CSMD1: variants seen among roughly 807,000 people sequenced by gnomAD.
CSMD1 encodes CUB and Sushi multiple domains 1.
CSMD1 carries 213 observed loss-of-function variants against 417.5 expected under a neutral mutation model. The observed-to-expected ratio is 0.51, with a 90% CI of 0.46 to 0.57. CSMD1 has a LOEUF of 0.57. Among genes scored for constraint, CSMD1 ranks in the 20% least tolerant of loss-of-function variants. The pLI, the probability that CSMD1 is intolerant of heterozygous loss-of-function variation, is 0.00. For synonymous variants in CSMD1, 2,862 were observed against 1,736.8 expected, an observed-to-expected ratio of 1.65 and a Z score of -16.11; for missense variants, 6,923 against 4,529.7, an observed-to-expected ratio of 1.53 and a Z score of -15.17.
intron 21 of CSMD1, among the ~76,000 whole-genome samples, chr8:3,348,633 C>G (rs544856055): frequency 1.3e-5 from 2 of 152,286 alleles, no homozygotes; most frequent in East Asian, 3.9e-4. Context: ...GGGAATCTAA[C>G]GACAGACCAA....
chr8:3,701,480 A>G (rs566043200), intron 7 of CSMD1, among the ~76,000 whole-genome samples: 4 of 150,576 alleles, frequency 2.7e-5, no homozygotes, highest in African/African-American at 9.8e-5. Flanking sequence ...CATGAGGGCA[A>G]AAGACTCTTC....
intron 1 of CSMD1, among the ~76,000 whole-genome samples, chr8:4,941,944 T>G (rs1808031721): frequency 6.6e-6 from 1 of 152,182 alleles, no homozygotes; most frequent in East Asian, 1.9e-4. Flanking sequence ...ACAACAGTTT[T>G]TATCTGCTTC....
chr8:4,093,956 T>C (rs1472559468), intron 3 of CSMD1, among the ~76,000 whole-genome samples: 1 of 140,482 alleles, frequency 7.1e-6, no homozygotes, highest in African/African-American at 2.7e-5. Flanking sequence ...TGACTGAGAC[T>C]ACATCTCAAA....
In CSMD1 at chr8:4,396,901, G is replaced by T. The variant is rs986826132; in HGVS notation, c.415+23052C>A. On this transcript the variant is annotated intron_variant, in intron 3 of 69. Transcript: ENST00000635120. ...GGGGGAAAGGGTGGGAGGCAGATGG[G>T]AAACAAAAGACTACACCTTGGGTAC... Among the ~76,000 whole-genome samples, 3 of 152,132 alleles carry T rather than the reference G, an allele frequency of 2.0e-5. No homozygotes were observed. In the East Asian group the frequency reaches 5.8e-4, roughly 29 times the overall value.
chr8:4,946,566 T>C (rs1335571428), intron 1 of CSMD1, among the ~76,000 whole-genome samples: 1 of 152,184 alleles, frequency 6.6e-6, no homozygotes, highest in Non-Finnish European at 1.5e-5. Flanking sequence ...ATTCTGACTC[T>C]GTATAAGTGA....
At chr8:4,489,911 C>T (rs975639853) in intron 2 of CSMD1, among the ~76,000 whole-genome samples, 2 of 152,126 alleles carry the variant, frequency 1.3e-5, no homozygotes, top group Admixed American at 1.3e-4. Context: ...TGAGATCATT[C>T]ATTCATGCTG....
intron 7 of CSMD1, among the ~76,000 whole-genome samples, chr8:3,643,000 T>C (rs561476179): frequency 2.7e-5 from 4 of 150,208 alleles, no homozygotes; most frequent in Non-Finnish European, 5.9e-5. Flanking sequence ...TTAAAAAAAA[T>C]AGATGTAAGA....
At chr8:3,558,984 G>C (rs1169536284) in intron 10 of CSMD1, among the ~76,000 whole-genome samples, 3 of 152,180 alleles carry the variant, frequency 2.0e-5, no homozygotes, top group Non-Finnish European at 4.4e-5. Flanking sequence ...AAAGATAAAT[G>C]ACTAGAAGTG....
At chr8:4,811,575 G>T (rs765045769) in intron 1 of CSMD1, among the ~76,000 whole-genome samples, 4 of 151,982 alleles carry the variant, frequency 2.6e-5, no homozygotes, top group African/African-American at 7.2e-5. Flanking sequence ...CACATGTGAG[G>T]CTCATCCTTT....
Position 4,922,608 on chromosome 8 carries a change from G to C in CSMD1, c.85+71724C>G, listed in dbSNP as rs185720847. ...GCTATTGATAGCGCTCATGAGAGAAGGTATGCAGATAACAAGAAACAACAC... is the reference window on the plus strand; with the variant it reads ...GCTATTGATAGCGCTCATGAGAGAACGTATGCAGATAACAAGAAACAACAC... On this transcript the variant is annotated intron_variant, in intron 1 of 69. Transcript: ENST00000635120. Among the ~76,000 whole-genome samples the C allele has an allele frequency of 1.2e-3, 185 of 152,260 alleles. No individual in the cohort carries two copies. The Middle Eastern group carries it at 0.027, about 22-fold the overall frequency.
chr8:3,082,785 A>G (rs1814201736), intron 49 of CSMD1, among the ~76,000 whole-genome samples: 1 of 152,230 alleles, frequency 6.6e-6, no homozygotes, highest in Non-Finnish European at 1.5e-5. Flanking sequence ...CCCTCTCCAT[A>G]AACATAGCCC....
Position 3,834,418 on chromosome 8 carries a change from C to G in CSMD1, c.819-80376G>C, listed in dbSNP as rs368993212. 2.6e-5 allele frequency among the ~76,000 whole-genome samples: 4 copies of G among 152,068 alleles called. No individual in the cohort carries two copies. In the South Asian group the frequency reaches 6.2e-4, roughly 24 times the overall value. On this transcript the variant is annotated intron_variant, in intron 5 of 69. Coordinates refer to ENST00000635120, the MANE Select transcript of CSMD1 (RefSeq NM_033225.6). ...CTGCACAGTAAAACCCCAAATACCC[C>G]CTGGAAGTGGGGCAGACTCACTGGG...
chr8:4,811,466 T>C (rs775109082), intron 1 of CSMD1, among the ~76,000 whole-genome samples: 9 of 152,156 alleles, frequency 5.9e-5, no homozygotes, highest in Non-Finnish European at 1.2e-4. Context: ...AGAATACAAC[T>C]TCAAAAAATA....
chr8:4,925,568 A>G (rs867267305), intron 1 of CSMD1, among the ~76,000 whole-genome samples: 1 of 145,262 alleles, frequency 6.9e-6, no homozygotes, highest in African/African-American at 2.6e-5. Flanking sequence ...TTTTTTTGAG[A>G]CGGAGTCTCG....
At chr8:3,684,615 T>C (rs1481487063) in intron 7 of CSMD1, among the ~76,000 whole-genome samples, 1 of 133,436 alleles carries the variant, frequency 7.5e-6, no homozygotes, top group East Asian at 2.2e-4. Context: ...TTTTTTTTTT[T>C]TAGACGGAGT....
At chr8:4,636,226 G>C (rs1387263380) in intron 2 of CSMD1, among the ~76,000 whole-genome samples, 1 of 152,000 alleles carries the variant, frequency 6.6e-6, no homozygotes, top group African/African-American at 2.4e-5. Context: ...GATTTCTTTG[G>C]AAGGGATATT....
intron 5 of CSMD1, among the ~76,000 whole-genome samples, chr8:3,886,480 C>A (rs755151870): frequency 6.6e-6 from 1 of 152,184 alleles, no homozygotes; most frequent in Non-Finnish European, 1.5e-5. Context: ...GTTTTGTCAG[C>A]CATACGGTCT....
intron 36 of CSMD1, among the ~76,000 whole-genome samples, chr8:3,182,715 G>T (rs559815869): frequency 2.5e-4 from 33 of 133,794 alleles, no homozygotes; most frequent in African/African-American, 9.4e-4. Context: ...ATTGTTAGTA[G>T]AGAAGGACTC....
At chr8:4,180,441 G>A (rs13252552) in intron 3 of CSMD1, among the ~76,000 whole-genome samples, 12 of 119,872 alleles carry the variant, frequency 1.0e-4, no homozygotes, top group African/African-American at 3.2e-4. Context: ...GTGGGGGGAG[G>A]GGGGAGGGAT....
Sources: allele counts gnomAD v4.1 joint callset (sites outside exome capture counted in the v4.1 genomes callset), GRCh38; gene constraint gnomAD v4.1.1; transcripts MANE v1.5; gene names NCBI Gene and HGNC (gene_info 2026-07-23, HGNC 2026-07-21).